GAN: variants seen among roughly 807,000 people sequenced by gnomAD.
GAN encodes epididymis secretory sperm binding protein.
GAN carries 48 observed loss-of-function variants against 71.3 expected under a neutral mutation model. The ratio of observed to expected loss-of-function variants is 0.67; its 90% CI spans 0.53 to 0.86. The LOEUF is 0.86. Ranked by LOEUF, GAN falls within the 40% of genes least tolerant of loss-of-function variation. The pLI is 0.00. For missense variants in GAN, 928 were observed against 770.1 expected (o/e 1.21, Z -2.43); for synonymous variants, 386 against 276.8 (o/e 1.39, Z -3.92).
chr16:81,355,120 C>T (rs992316889), intron 3 of GAN, among the ~76,000 whole-genome samples: 3 of 152,178 alleles, frequency 2.0e-5, no homozygotes, highest in Non-Finnish European at 4.4e-5. Flanking sequence ...TCTGCCAGGC[C>T]TCAGGTGCCT....
chr16:81,372,485 C>G (rs1021406773), intron 9 of GAN, among the ~76,000 whole-genome samples: 9 of 152,146 alleles, frequency 5.9e-5, no homozygotes, highest in Non-Finnish European at 1.5e-5. Flanking sequence ...CCTTTTATAC[C>G]TGTTTTATAA....
At chr16:81,372,877 T>G (rs1311056885) in intron 9 of GAN, among the ~76,000 whole-genome samples, 1 of 152,222 alleles carries the variant, frequency 6.6e-6, no homozygotes, top group Non-Finnish European at 1.5e-5. Context: ...GCACAAGCTT[T>G]TAGATTTTTC....
chr16:81,332,735 G>A (rs548739773), intron 1 of GAN, among the ~76,000 whole-genome samples: 33 of 152,302 alleles, frequency 2.2e-4, no homozygotes, highest in African/African-American at 7.0e-4. Context: ...AGCTCTTCTG[G>A]TGAGTACTAG....
At chr16:81,367,044 C>T (rs1171617649) in intron 9 of GAN, among the ~76,000 whole-genome samples, 1 of 151,976 alleles carries the variant, frequency 6.6e-6, no homozygotes, top group Non-Finnish European at 1.5e-5. Context: ...AGGTTGGTCT[C>T]GAACTCCTGA....
chr16:81,362,058 G>C (rs144131038), intron 5 of GAN, among the ~76,000 whole-genome samples: 88 of 152,320 alleles, frequency 5.8e-4, no homozygotes, highest in Middle Eastern at 6.8e-3. Flanking sequence ...GAAATCGGAA[G>C]TTCAGTTGCT....
intron 1 of GAN, among the ~76,000 whole-genome samples, chr16:81,332,845 T>G (rs1567482186): frequency 6.6e-6 from 1 of 152,220 alleles, no homozygotes; most frequent in Non-Finnish European, 1.5e-5. Flanking sequence ...CCCATGGAAG[T>G]GATATCATGT....
Position 81,378,302 on chromosome 16 carries a change from G to A in GAN, c.*706G>A. On this transcript the variant is annotated 3_prime_UTR_variant, in exon 11 of 11. Transcript: ENST00000648994. ...GAACTGAAAGAAGTTGCTCGCTTCT[G>A]TGTTGACTTAGATCAAGACACGTCA... 1 of 154,230 alleles carries A rather than the reference G, an allele frequency of 6.5e-6. No individual in the cohort carries two copies. The highest frequency in any genetic ancestry group is 1.4e-5 in the Non-Finnish European group (1 of 69,312). The allele number at this position is 154,230 out of a possible 1,614,324, so 9.6% of individuals were successfully genotyped here.
intron 5 of GAN, among the ~76,000 whole-genome samples, chr16:81,359,324 A>G (rs1164942496): frequency 6.6e-6 from 1 of 152,086 alleles, no homozygotes; most frequent in Non-Finnish European, 1.5e-5. Context: ...CCAGCAATGG[A>G]AGGAGCGACT....
intron 1 of GAN, among the ~76,000 whole-genome samples, chr16:81,315,719 A>G (rs1173051056): frequency 1.3e-5 from 2 of 152,208 alleles, no homozygotes; most frequent in Non-Finnish European, 2.9e-5. Flanking sequence ...GTCCCCGCTG[A>G]AGTTCGCCAG....
Position 81,314,990 on chromosome 16 carries a change from C to T in GAN, c.-124C>T, listed in dbSNP as rs1435310002. The T allele has an allele frequency of 1.2e-6, 1 of 822,976 alleles. No homozygotes were observed. Among genetic ancestry groups the T allele is most frequent in the Non-Finnish European group, 1.7e-6 (1 of 590,172 alleles). The allele number at this position is 822,976 out of a possible 1,614,324, so 51.0% of individuals were successfully genotyped here. ...TAGCACAGGCACGTCCCGGGGGCTC[C>T]AGCTTCTGCTCAGAGCGCGGAGAGC... On this transcript the variant is annotated 5_prime_UTR_variant, in exon 1 of 11. Coordinates refer to ENST00000648994, the MANE Select transcript of GAN (RefSeq NM_022041.4).
In GAN at chr16:81,315,342, C is replaced by G. The variant is rs1460337175; in HGVS notation, c.167+62C>G. 9 of 1,253,606 alleles carry G rather than the reference C, an allele frequency of 7.2e-6. 1 individual carries two copies. The highest frequency in any genetic ancestry group is 9.3e-6 in the Non-Finnish European group (9 of 970,614). 77.7% of individuals were successfully genotyped at this position (1,253,606 alleles called of 1,614,324 possible). Reference sequence around the variant, plus strand: ...CTGCCCGGAGCCGGAGGCGGGGCGGCCGGGCCGGGCGTGGCCCCCAGACCC... The same window carrying G: ...CTGCCCGGAGCCGGAGGCGGGGCGGGCGGGCCGGGCGTGGCCCCCAGACCC... On this transcript the variant is annotated intron_variant, in intron 1 of 10. Transcript: ENST00000648994.
intron 1 of GAN, among the ~76,000 whole-genome samples, chr16:81,328,496 C>A (rs563332373): frequency 6.6e-6 from 1 of 152,200 alleles, no homozygotes; most frequent in East Asian, 1.9e-4. Context: ...AGTTTGGGTT[C>A]TTTTTGTATT....
intron 1 of GAN, among the ~76,000 whole-genome samples, chr16:81,317,266 C>T (rs1157390677): frequency 6.6e-6 from 1 of 152,222 alleles, no homozygotes; most frequent in Non-Finnish European, 1.5e-5. Context: ...CAAATGTGTA[C>T]ATTAGAAAAT....
intron 9 of GAN, among the ~76,000 whole-genome samples, chr16:81,373,324 C>A (rs1299591210): frequency 6.6e-6 from 1 of 152,176 alleles, no homozygotes; most frequent in African/African-American, 2.4e-5. Flanking sequence ...TCCTGAAGTC[C>A]ACTGTGACCT....
intron 1 of GAN, among the ~76,000 whole-genome samples, chr16:81,337,927 G>T (rs1026800978): frequency 2.0e-5 from 3 of 152,196 alleles, no homozygotes; most frequent in African/African-American, 7.2e-5. Context: ...CCAGAGTTAA[G>T]CCTCTAGGAC....
chr16:81,316,959 A>G (rs894516966), intron 1 of GAN, among the ~76,000 whole-genome samples: 4 of 152,178 alleles, frequency 2.6e-5, no homozygotes, highest in Admixed American at 2.0e-4. Context: ...TCCAGTTTCA[A>G]GCGATTCTCC....
intron 1 of GAN, among the ~76,000 whole-genome samples, chr16:81,328,052 G>A (rs773815195): frequency 1.8e-4 from 27 of 152,102 alleles, no homozygotes; most frequent in African/African-American, 2.9e-4. Flanking sequence ...CGTTTTAATC[G>A]TCTTTGAACT....
At chr16:81,372,823 A>G (rs1192854649) in intron 9 of GAN, among the ~76,000 whole-genome samples, 2 of 152,360 alleles carry the variant, frequency 1.3e-5, no homozygotes, top group African/African-American at 2.4e-5. Flanking sequence ...TTTTTCAAAC[A>G]TTATCTTTCA....
chr16:81,359,413 T>TC (rs1342332293), intron 5 of GAN, among the ~76,000 whole-genome samples: 1 of 151,762 alleles, frequency 6.6e-6, no homozygotes, highest in East Asian at 1.9e-4. Context: ...TTGTTTTTTT[T>TC]TTTTTTTTTG....
Sources: gnomAD v4.1 joint callset for allele counts (sites outside exome capture counted in the v4.1 genomes callset) on GRCh38, gnomAD v4.1.1 for gene constraint, MANE v1.5 for transcripts, NCBI Gene and HGNC (gene_info 2026-07-23, HGNC 2026-07-21) for gene names.